TFRC: variants seen among roughly 807,000 people sequenced by gnomAD.
TFRC encodes transferrin receptor.
TFRC carries 35 observed loss-of-function variants against 85.8 expected under a neutral mutation model. The ratio of observed to expected loss-of-function variants is 0.41; its 90% CI spans 0.31 to 0.54. The LOEUF is 0.54. Ranked by LOEUF, TFRC falls within the 20% of genes least tolerant of loss-of-function variation. TFRC has a pLI of 0.31. For synonymous variants in TFRC, 362 were observed against 328.6 expected (o/e 1.10, Z -1.10); for missense variants, 828 against 921.5 (o/e 0.90, Z 1.31).
rs751341234 is a variant in TFRC, at chr3:196,075,274, A to G, written c.123T>C (p.Ala41=). 6.8e-6 allele frequency: 11 copies of G among 1,614,138 alleles called. No individual in the cohort carries two copies. Among genetic ancestry groups the G allele is most frequent in the Non-Finnish European group, 7.6e-6 (9 of 1,180,040 alleles). Residue 41 remains alanine, a synonymous_variant, in exon 3 of 19, where the codon GCT becomes GCC. Coordinates refer to ENST00000360110, the MANE Select transcript of TFRC (RefSeq NM_001128148.3). ...GDNSHVEMKL[A]VDEEENADNN... is the part of the protein sequence containing the mutation. ...TGTCAGCATTTTCTTCTTCATCTACAGCAAGTTTCATCTCCACATGACTGT... is the reference window on the plus strand; with the variant it reads ...TGTCAGCATTTTCTTCTTCATCTACGGCAAGTTTCATCTCCACATGACTGT...
intron 16 of TFRC, 93 bp from the exon 17 acceptor site, chr3:196,055,394 G>A (rs760603217): frequency 9.8e-6 from 10 of 1,016,812 alleles, no homozygotes; most frequent in Non-Finnish European, 1.5e-5. Flanking sequence ...AGTGACGACA[G>A]TTCCACCCTT....
At chr3:196,072,728 C>CTG (rs1403454820) in intron 4 of TFRC, 1 of 146,810 alleles carries the variant, frequency 6.8e-6, no homozygotes, top group Non-Finnish European at 1.5e-5. Context: ...TATAGTACCA[C>CTG]TGTAAGTGTA....
At position 196,052,101 on chromosome 3, in the gene TFRC, C is replaced by T. The variant is rs1805051; in HGVS notation, c.2124G>A (p.Thr708=). 164,269 of 1,613,898 alleles carry T rather than the reference C, an allele frequency of 0.1. 9,214 individuals are homozygous for T. The highest frequency in any genetic ancestry group is 0.12 in the South Asian group (11,266 of 91,078). ...RHVFWGSGSH[T]LPALLENLKL... is the part of the protein sequence containing the mutation. ...TCAAGTTCTCCAGTAAAGCTGGCAGCGTGTGAGAGCCGGAGCCCCAGAAGA... is the reference window on the plus strand; with the variant it reads ...TCAAGTTCTCCAGTAAAGCTGGCAGTGTGTGAGAGCCGGAGCCCCAGAAGA... The change falls in exon 19 of 19, where the codon ACG becomes ACA. Residue 708 remains threonine (T), a synonymous_variant. Transcript: ENST00000360110.
In TFRC at chr3:196,049,823, T is replaced by C. The variant is rs889625523; in HGVS notation, c.*2119A>G. ...AGGAGATTAAAGATAAAACTGAAGA[T>C]TAAAGAGACTGTGAGTAGTGACACA... On this transcript the variant is annotated 3_prime_UTR_variant, in exon 19 of 19. Transcript: ENST00000360110. 5.6e-5 allele frequency: 13 copies of C among 230,500 alleles called. No homozygotes were observed. The highest frequency in any genetic ancestry group is 2.7e-4 in the African/African-American group (12 of 45,174). The allele number at this position is 230,500 out of a possible 1,614,324, so 14.3% of individuals were successfully genotyped here. A position where few individuals can be genotyped will look rare whatever the true frequency, so the allele number is the denominator to read the frequency against.
At chr3:196,058,099 T>C (rs1173450822) in intron 16 of TFRC, 185 bp downstream of exon 16, 4 of 469,644 alleles carry the variant, frequency 8.5e-6, no homozygotes, top group African/African-American at 4.0e-5. Flanking sequence ...CCAAGAATAA[T>C]TACCTCAAAG....
chr3:196,069,630 G>A, intron 6 of TFRC, 62 bp from the exon 7 acceptor site: 2 of 1,070,264 alleles, frequency 1.9e-6, no homozygotes, highest in Admixed American at 2.2e-5. Flanking sequence ...AAAATCTTGA[G>A]ACAGAAGAGT....
chr3:196,071,776 C>T (rs1387844477), intron 5 of TFRC, among the ~76,000 whole-genome samples: 10 of 152,164 alleles, frequency 6.6e-5, no homozygotes, highest in Admixed American at 5.2e-4. Context: ...TGGTGGCGTG[C>T]GCCTGTAATC....
intron 2 of TFRC, among the ~76,000 whole-genome samples, chr3:196,075,953 T>TC (rs1478034662): frequency 7.2e-6 from 1 of 138,014 alleles, no homozygotes; most frequent in Non-Finnish European, 1.6e-5. Flanking sequence ...CATGGTGAAA[T>TC]CCCCTCTCAC....
intron 2 of TFRC, among the ~76,000 whole-genome samples, chr3:196,076,186 G>C (rs980480260): frequency 6.6e-6 from 1 of 151,972 alleles, no homozygotes; most frequent in East Asian, 1.9e-4. Flanking sequence ...ATACAAATAA[G>C]AGAGAATTGA....
chr3:196,075,708 C>T (rs1246630155), intron 2 of TFRC, among the ~76,000 whole-genome samples: 1 of 152,044 alleles, frequency 6.6e-6, no homozygotes. Context: ...GGACTAGGGG[C>T]ACAAATCAGT....
Position 196,062,721 on chromosome 3 carries a change from T to G in TFRC, c.1405-76A>C, listed in dbSNP as rs139383041. On this transcript the variant is annotated intron_variant, in intron 12 of 18. Coordinates refer to ENST00000360110, the MANE Select transcript of TFRC (RefSeq NM_001128148.3). ...ATACAGTAGCATTAGGGATTCATTT[T>G]CAATTCTGGACTCTACTGAGACTAA... 6,364 of 1,549,228 alleles carry G rather than the reference T, an allele frequency of 4.1e-3. 19 individuals carry two copies. The highest frequency in any genetic ancestry group is 5.0e-3 in the Non-Finnish European group (5,664 of 1,133,922).
intron 7 of TFRC, among the ~76,000 whole-genome samples, chr3:196,068,393 A>G (rs916530445): frequency 3.3e-5 from 5 of 152,146 alleles, no homozygotes; most frequent in African/African-American, 1.2e-4. Flanking sequence ...CAGGGGGATC[A>G]CAAGCTCAGG....
chr3:196,068,312 T>C (rs1391806039), intron 7 of TFRC, among the ~76,000 whole-genome samples, 182 bp from the exon 8 acceptor site: 4 of 152,142 alleles, frequency 2.6e-5, no homozygotes, highest in African/African-American at 9.7e-5. Flanking sequence ...ACTCACTTGT[T>C]TGCAAAATAA....
rs576817631 is a variant in TFRC, at chr3:196,060,030, G to A, written c.1536+150C>T. 1.3e-5 allele frequency: 8 copies of A among 607,792 alleles called. No homozygotes were observed. The Admixed American group carries it at 2.1e-4, about 16-fold the overall frequency. 37.6% of individuals were successfully genotyped at this position (607,792 alleles called of 1,614,324 possible). A position where few individuals can be genotyped will look rare whatever the true frequency, so the allele number is the denominator to read the frequency against. On this transcript the variant is annotated intron_variant, in intron 14 of 18. Coordinates refer to ENST00000360110, the MANE Select transcript of TFRC (RefSeq NM_001128148.3). ...AGCCCTCATCTCATATGGTTCAATAGGCAAGTATCCCTTAAATAACGCTGC... is the reference window on the plus strand; with the variant it reads ...AGCCCTCATCTCATATGGTTCAATAAGCAAGTATCCCTTAAATAACGCTGC...
At chr3:196,064,505 G>A in intron 10 of TFRC, 77 bp from the exon 11 acceptor site, 1 of 1,417,884 alleles carries the variant, frequency 7.1e-7, no homozygotes, top group Non-Finnish European at 9.4e-7. Context: ...CACATCAGTA[G>A]AAAGGTAAAA....
In TFRC at chr3:196,060,451, C is replaced by T. The variant is rs181841456; in HGVS notation, c.1469-204G>A. On this transcript the variant is annotated intron_variant, in intron 13 of 18. Coordinates refer to ENST00000360110, the MANE Select transcript of TFRC (RefSeq NM_001128148.3). ...TAAGCTAACTTCACTCAAGTGGGCT[C>T]GTACTACTCCTTGAGTTTGCATACT... The T allele has an allele frequency of 6.2e-5, 34 of 551,296 alleles. No homozygotes were observed. The East Asian group carries it at 7.5e-4, about 12-fold the overall frequency. The allele number at this position is 551,296 out of a possible 1,614,324, so 34.2% of individuals were successfully genotyped here.
In TFRC at chr3:196,077,070, A is replaced by C; in HGVS notation, c.30T>G (p.Ser10=). 6.2e-7 allele frequency: 1 copy of C among 1,613,828 alleles called. No homozygotes were observed. The highest frequency in any genetic ancestry group is 8.5e-7 in the Non-Finnish European group (1 of 1,179,804). The change falls in exon 2 of 19, where the codon TCT becomes TCG. Residue 10 remains serine (S), a synonymous_variant. Transcript: ENST00000360110. Reference sequence around the variant, plus strand: ...ACAACTGAAAATATCTTACCAAGTTAGAGAATGCTGATCTAGCTTGATCCA... The same window carrying C: ...ACAACTGAAAATATCTTACCAAGTTCGAGAATGCTGATCTAGCTTGATCCA... MMDQARSAF[S]NLFGGEPLSY...
In TFRC at chr3:196,053,490, T is replaced by C; in HGVS notation, c.1968A>G (p.Leu656=). 2 of 1,614,206 alleles carry C rather than the reference T, an allele frequency of 1.2e-6. No individual in the cohort carries two copies. The highest frequency in any genetic ancestry group is 2.7e-5 in the African/African-American group (2 of 75,066). ...TCTCAGCATTCCCGAAATCTGTTGT[T>C]AGTCTGGAAGTAGCACGGAAGAAGT... is the stretch of plus-strand genomic sequence containing the variant. ...RGDFFRATSR[L]TTDFGNAEKT... The change falls in exon 18 of 19, where the codon CTA becomes CTG. Residue 656 remains leucine, a synonymous_variant. Transcript: ENST00000360110.
At position 196,057,794 on chromosome 3, in the gene TFRC, A is replaced by C. The variant is rs41297521; in HGVS notation, c.1677+490T>G. 8.5e-3 allele frequency among the ~76,000 whole-genome samples: 1,268 copies of C among 149,434 alleles called. 16 individuals carry two copies. The highest frequency in any genetic ancestry group is 0.026 in the African/African-American group (1,025 of 39,230). ...AGTCACCATTGTCAAAAAAAAAAAA[A>C]AAAACAAAACAAAAAACAAACAAAA... On this transcript the variant is annotated intron_variant, in intron 16 of 18. Transcript: ENST00000360110.
Sources: gnomAD v4.1 joint callset for allele counts (sites outside exome capture counted in the v4.1 genomes callset) on GRCh38, gnomAD v4.1.1 for gene constraint, MANE v1.5 for transcripts, NCBI Gene and HGNC (gene_info 2026-07-23, HGNC 2026-07-21) for gene names.